Variants in LTBP1 observed in about 807,000 individuals in gnomAD.
LTBP1 encodes the protein latent-transforming growth factor beta-binding protein 1.
Under a neutral mutation model 207.6 loss-of-function variants are expected in LTBP1, and 129 were observed. The observed-to-expected ratio is 0.62, with a 90% CI of 0.54 to 0.72. The LOEUF is 0.72. Ranked by LOEUF, LTBP1 falls within the 30% of genes least tolerant of loss-of-function variation. The pLI, the probability that LTBP1 is intolerant of heterozygous loss-of-function variation, is 0.00. For synonymous variants in LTBP1, 963 were observed against 833.7 expected (o/e 1.16, Z -2.67); for missense variants, 2,281 against 2,217.2 (o/e 1.03, Z -0.58).
chr2:33,135,036 C>T (rs1444353522), intron 5 of LTBP1, 76 bp downstream of exon 5: 1 of 1,407,426 alleles, frequency 7.1e-7, no homozygotes, highest in Non-Finnish European at 9.6e-7. Context: ...ACACCCCCTC[C>T]ATTCACACTG....
intron 31 of LTBP1, among the ~76,000 whole-genome samples, chr2:33,382,630 G>A (rs1046010909): frequency 5.9e-5 from 9 of 152,258 alleles, no homozygotes; most frequent in Admixed American, 2.6e-4. Context: ...CACCCTGTCC[G>A]TAATGAAGCA....
At chr2:33,110,331 AC>A (rs1350096402) in intron 3 of LTBP1, among the ~76,000 whole-genome samples, 1 of 152,078 alleles carries the variant, frequency 6.6e-6, no homozygotes, top group Non-Finnish European at 1.5e-5. Flanking sequence ...ACCTGTGATG[AC>A]CTATTTATCA....
At chr2:33,227,037 T>C (rs1275928014) in intron 9 of LTBP1, among the ~76,000 whole-genome samples, 1 of 149,560 alleles carries the variant, frequency 6.7e-6, no homozygotes, top group East Asian at 1.9e-4. Flanking sequence ...TTTTACCTTT[T>C]TTTTTTGTCT....
Position 33,173,479 on chromosome 2 carries a change from C to T in LTBP1, c.1202-13377C>T, listed in dbSNP as rs186687194. On this transcript the variant is annotated intron_variant, in intron 5 of 33. Coordinates refer to ENST00000404816, the MANE Select transcript of LTBP1 (RefSeq NM_206943.4). The stretch of plus-strand genomic sequence containing the variant: ...GGAAGAAGTTGAATCTCTGAATAGA[C>T]CAATAACAGGCTCTGAAATGGTGGC... 6.8e-3 allele frequency among the ~76,000 whole-genome samples: 1,042 copies of T among 152,270 alleles called. 12 individuals carry two copies. The highest frequency in any genetic ancestry group is 0.024 in the African/African-American group (981 of 41,536).
Position 33,252,690 on chromosome 2 carries a change from G to A in LTBP1, c.2013G>A (p.Val671=), listed in dbSNP as rs775676473. The change falls in exon 11 of 34, where the codon GTG becomes GTA. Residue 671 remains valine, a synonymous_variant. Coordinates refer to ENST00000404816, the MANE Select transcript of LTBP1 (RefSeq NM_206943.4). ...TCTCTGCTTCAGCTGATCCCCCTGT[G>A]ATCTCGGAAGAGAAAGGGCCCTGTT... The part of the protein sequence containing the change: ...TFSSCVPDPP[V]ISEEKGPCYR... 12 of 1,611,824 alleles carry A rather than the reference G, an allele frequency of 7.4e-6. No individual in the cohort carries two copies. In the African/African-American group the frequency reaches 1.3e-4, roughly 18 times the overall value.
In LTBP1 at chr2:33,392,183, AT is replaced by A. The variant is rs60323377; in HGVS notation, c.4834+2889del. 6.5e-3 allele frequency among the ~76,000 whole-genome samples: 968 copies of A among 148,302 alleles called. 13 individuals are homozygous for A. The highest frequency in any genetic ancestry group is 0.022 in the African/African-American group (889 of 40,370). On this transcript the variant is annotated intron_variant, in intron 32 of 33. Coordinates refer to ENST00000404816, the MANE Select transcript of LTBP1 (RefSeq NM_206943.4). ...TTGCCCTTTATAAGGGCCAGGTAGT[AT>A]TTTTTTTTTTTCTTTTTTGAGACAG...
chr2:33,115,496 G>T (rs1438529466), intron 4 of LTBP1, among the ~76,000 whole-genome samples: 1 of 152,144 alleles, frequency 6.6e-6, no homozygotes, highest in African/African-American at 2.4e-5. Context: ...GAATTCTGTG[G>T]CATGTGAATC....
intron 31 of LTBP1, among the ~76,000 whole-genome samples, chr2:33,387,825 A>G (rs558131330): frequency 2.5e-4 from 38 of 152,124 alleles, no homozygotes; most frequent in African/African-American, 8.9e-4. Context: ...AATAGAGGAA[A>G]ATTCCAGGCA....
At chr2:32,974,668 C>A (rs1681431528) in intron 2 of LTBP1, among the ~76,000 whole-genome samples, 2 of 152,044 alleles carry the variant, frequency 1.3e-5, no homozygotes, top group South Asian at 4.1e-4. Context: ...GGTTTAAAGT[C>A]TGTTTTGTTT....
At position 33,110,619 on chromosome 2, in the gene LTBP1, C is replaced by A; in HGVS notation, c.901C>A (p.His301Asn). The A allele has an allele frequency of 6.2e-7, 1 of 1,614,140 alleles. No individual in the cohort carries two copies. Among genetic ancestry groups the A allele is most frequent in the Non-Finnish European group, 8.5e-7 (1 of 1,179,994 alleles). The change falls in exon 4 of 34, where the codon CAT becomes AAT. Residue 301 changes from histidine to asparagine, a missense_variant. By Grantham distance (68) the His-to-Asn change is moderately conservative (BLOSUM62 1). Transcript: ENST00000404816. ...TTCTTCCCAGAGTGTGGTGATTCAC[C>A]ATGGCCAGACCCAGGAATACGTGCT... is the stretch of plus-strand genomic sequence containing the variant. ...PLSSQSVVIHHGQTQEYVLKP... is the reference protein window; with the variant it reads ...PLSSQSVVIHNGQTQEYVLKP...
chr2:33,254,414 G>A (rs946320110), intron 11 of LTBP1, among the ~76,000 whole-genome samples: 9 of 151,978 alleles, frequency 5.9e-5, no homozygotes, highest in African/African-American at 1.9e-4. Context: ...GATGGTGACT[G>A]GAACTCAGGG....
chr2:33,282,733 T>C (rs916330730), intron 19 of LTBP1, among the ~76,000 whole-genome samples: 2 of 152,198 alleles, frequency 1.3e-5, no homozygotes, highest in Admixed American at 1.3e-4. Flanking sequence ...AGTGTCTACC[T>C]TGTGCCAGGT....
At chr2:33,165,873 T>A (rs1204089046) in intron 5 of LTBP1, among the ~76,000 whole-genome samples, 1 of 152,210 alleles carries the variant, frequency 6.6e-6, no homozygotes, top group Non-Finnish European at 1.5e-5. Flanking sequence ...CCAAATGGCT[T>A]GTGAAAATAA....
intron 23 of LTBP1, 33 bp downstream of exon 23, chr2:33,309,589 T>C (rs1343088644): frequency 6.3e-7 from 1 of 1,596,824 alleles, no homozygotes; most frequent in Non-Finnish European, 8.5e-7. Context: ...CAGTCATTAT[T>C]TACGTAATTC....
intron 5 of LTBP1, among the ~76,000 whole-genome samples, chr2:33,166,016 A>G (rs1236405885): frequency 1.3e-5 from 2 of 151,352 alleles, no homozygotes; most frequent in African/African-American, 4.9e-5. Flanking sequence ...CACCTCTTCC[A>G]TCATAGCCTA....
At chr2:33,361,717 T>C (rs1265931747) in intron 28 of LTBP1, among the ~76,000 whole-genome samples, 1 of 152,206 alleles carries the variant, frequency 6.6e-6, no homozygotes, top group African/African-American at 2.4e-5. Flanking sequence ...AGTTTGACAT[T>C]GGGAGGTGAA....
At chr2:32,966,994 CT>C (rs1427467019) in intron 2 of LTBP1, among the ~76,000 whole-genome samples, 1 of 151,916 alleles carries the variant, frequency 6.6e-6, no homozygotes, top group African/African-American at 2.4e-5. Flanking sequence ...CCCATCCTGG[CT>C]TGCTGTTTTC....
chr2:33,251,445 G>C (rs1014863617), intron 10 of LTBP1, among the ~76,000 whole-genome samples: 5 of 152,144 alleles, frequency 3.3e-5, no homozygotes, highest in Non-Finnish European at 7.3e-5. Context: ...CGGATCACAA[G>C]GTCAGGAGAT....
At chr2:33,139,431 G>A (rs982240768) in intron 5 of LTBP1, among the ~76,000 whole-genome samples, 25 of 152,196 alleles carry the variant, frequency 1.6e-4, no homozygotes, top group African/African-American at 6.0e-4. Flanking sequence ...ATACTTTGAG[G>A]AAGAGATGAA....
Sources: allele counts gnomAD v4.1 joint callset (sites outside exome capture counted in the v4.1 genomes callset), GRCh38; gene constraint gnomAD v4.1.1; transcripts MANE v1.5; gene names NCBI Gene and HGNC (gene_info 2026-07-23, HGNC 2026-07-21).